Variants in ZNF609 observed in about 807,000 individuals in gnomAD.
ZNF609 encodes zinc finger protein 609.
A neutral mutation model predicts 109.5 loss-of-function variants in ZNF609; 11 were observed. The ratio of observed to expected loss-of-function variants is 0.10; its 90% CI spans 0.06 to 0.17. The LOEUF (loss-of-function observed/expected upper bound fraction) is 0.17. Ranked by LOEUF, ZNF609 falls within the 10% of genes least tolerant of loss-of-function variation. ZNF609 has a pLI of 1.00. For synonymous variants in ZNF609, 646 were observed against 662.0 expected, an observed-to-expected ratio of 0.98 and a Z score of 0.37; for missense variants, 1,559 against 1,772.4, an observed-to-expected ratio of 0.88 and a Z score of 2.16.
chr15:64,506,410 G>A (rs1893638321), intron 2 of ZNF609, among the ~76,000 whole-genome samples: 1 of 148,094 alleles, frequency 6.8e-6, no homozygotes, highest in African/African-American at 2.5e-5. Flanking sequence ...GGCATGAGCC[G>A]TCACACCCAG....
rs2083236198 is a variant in ZNF609 at position 64,685,661 on chromosome 15, AAG to A, written c.*3978_*3979del. On this transcript the variant is annotated 3_prime_UTR_variant, in exon 10 of 10. Coordinates refer to ENST00000326648, the MANE Select transcript of ZNF609 (RefSeq NM_015042.2). ...CTATGCAGCTGGGAGCTCTCTGCCT[AAG>A]AGTTTGCACTATTTAAACCTGCCTG... 6.5e-6 allele frequency: 1 copy of A among 152,698 alleles called. No homozygotes were observed. The highest frequency in any genetic ancestry group is 1.5e-5 in the Non-Finnish European group (1 of 68,120). 9.5% of individuals were successfully genotyped at this position (152,698 alleles called of 1,614,324 possible).
Position 64,552,304 on chromosome 15 carries a change from T to G in ZNF609, c.747+52138T>G, listed in dbSNP as rs1327116526. 2.0e-5 allele frequency among the ~76,000 whole-genome samples: 3 copies of G among 152,220 alleles called. 1 individual carries two copies. Among genetic ancestry groups the G allele is most frequent in the African/African-American group, 7.2e-5 (3 of 41,472 alleles). On this transcript the variant is annotated intron_variant, in intron 2 of 9. Transcript: ENST00000326648. ...TGTAGTTGCAGGTTATATATTTAGATCTATCATCCAACTTTAGTTAATTTT... is the reference window on the plus strand; with the variant it reads ...TGTAGTTGCAGGTTATATATTTAGAGCTATCATCCAACTTTAGTTAATTTT...
At chr15:64,561,283 CTTGT>C (rs1038040187) in intron 2 of ZNF609, among the ~76,000 whole-genome samples, 11 of 152,090 alleles carry the variant, frequency 7.2e-5, no homozygotes, top group African/African-American at 2.7e-4. Flanking sequence ...ATATTGTCAT[CTTGT>C]TTGTCAGTTT....
chr15:64,493,313 C>T (rs1011888599), intron 1 of ZNF609, among the ~76,000 whole-genome samples: 1 of 151,946 alleles, frequency 6.6e-6, no homozygotes, highest in African/African-American at 2.4e-5. Context: ...TTACCCTTGT[C>T]GAAGGAGAGG....
At chr15:64,631,287 G>C (rs956411223) in intron 3 of ZNF609, 1 of 665,050 alleles carries the variant, frequency 1.5e-6, no homozygotes, top group African/African-American at 1.8e-5. Flanking sequence ...AGCTATCTTG[G>C]CTTTTAGAGA....
At chr15:64,480,049 G>A (rs968272592) in intron 1 of ZNF609, among the ~76,000 whole-genome samples, 1 of 148,930 alleles carries the variant, frequency 6.7e-6, no homozygotes, top group South Asian at 2.1e-4. Context: ...CCAGCCTGGC[G>A]AACGTGGCAA....
chr15:64,627,952 G>A (rs911977586), intron 3 of ZNF609, among the ~76,000 whole-genome samples: 2 of 149,216 alleles, frequency 1.3e-5, no homozygotes, highest in Non-Finnish European at 3.0e-5. Context: ...GAACCACCAT[G>A]CCCAGCCTAT....
chr15:64,609,140 C>A (rs1595737802), intron 2 of ZNF609, among the ~76,000 whole-genome samples: 1 of 109,798 alleles, frequency 9.1e-6, no homozygotes, highest in Non-Finnish European at 2.0e-5. Flanking sequence ...TTTTTTCTTT[C>A]TTTTTTTTCT....
At chr15:64,615,563 T>G (rs934133587) in intron 2 of ZNF609, among the ~76,000 whole-genome samples, 32 of 151,036 alleles carry the variant, frequency 2.1e-4, no homozygotes, top group Admixed American at 1.3e-3. Flanking sequence ...CTCGGCTCAC[T>G]ACAACTTCTG....
At chr15:64,535,563 TG>T (rs1460739546) in intron 2 of ZNF609, among the ~76,000 whole-genome samples, 2 of 152,158 alleles carry the variant, frequency 1.3e-5, no homozygotes, top group Non-Finnish European at 2.9e-5. Flanking sequence ...GGGACTATTA[TG>T]AAAAAAAATG....
chr15:64,487,207 T>C lies in ZNF609; in HGVS notation c.-127-12086T>C, dbSNP rs189190594. On this transcript the variant is annotated intron_variant, in intron 1 of 9. Coordinates refer to ENST00000326648, the MANE Select transcript of ZNF609 (RefSeq NM_015042.2). Reference sequence around the variant, plus strand: ...AATCTCATAGTCAAACATCAAGTAATCTGTAAGTTAGTTTCTTACTGTCTC... The same window carrying C: ...AATCTCATAGTCAAACATCAAGTAACCTGTAAGTTAGTTTCTTACTGTCTC... Among the ~76,000 whole-genome samples the C allele has an allele frequency of 4.6e-5, 7 of 152,266 alleles. No homozygotes were observed. In the East Asian group the frequency reaches 1.4e-3, roughly 29 times the overall value.
intron 2 of ZNF609, among the ~76,000 whole-genome samples, chr15:64,507,178 C>T (rs1247764480): frequency 7.2e-5 from 11 of 152,204 alleles, no homozygotes; most frequent in Middle Eastern, 3.4e-3. Context: ...GTGGTTTTGC[C>T]GGAATATGCA....
intron 2 of ZNF609, among the ~76,000 whole-genome samples, chr15:64,599,243 A>C (rs886599617): frequency 2.7e-5 from 4 of 146,062 alleles, no homozygotes; most frequent in African/African-American, 1.0e-4. Context: ...TTTTAAAAAC[A>C]CCTAATTGCA....
At chr15:64,566,813 G>C (rs1321056516) in intron 2 of ZNF609, among the ~76,000 whole-genome samples, 1 of 152,180 alleles carries the variant, frequency 6.6e-6, no homozygotes, top group Non-Finnish European at 1.5e-5. Flanking sequence ...CTAGTGGAGA[G>C]AGATTATATT....
At chr15:64,579,429 G>A (rs1895057411) in intron 2 of ZNF609, among the ~76,000 whole-genome samples, 1 of 144,288 alleles carries the variant, frequency 6.9e-6, no homozygotes. Context: ...AAAAAAAAAA[G>A]TAGCCAGACC....
chr15:64,469,026 C>T lies in ZNF609; in HGVS notation c.-128+8188C>T, dbSNP rs573072416. Among the ~76,000 whole-genome samples the T allele has an allele frequency of 5.0e-4, 58 of 116,028 alleles. No homozygotes were observed. In the East Asian group the frequency reaches 0.011, roughly 21 times the overall value. 76.1% of individuals were successfully genotyped at this position (116,028 alleles called of 152,430 possible). A position where few individuals can be genotyped will look rare whatever the true frequency, so the allele number is the denominator to read the frequency against. ...GAGACCAGCCTGGGCAACAGAGAGG[C>T]CTCATATCTTAAAAAAAAAAAAAAA... On this transcript the variant is annotated intron_variant, in intron 1 of 9. Coordinates refer to ENST00000326648, the MANE Select transcript of ZNF609 (RefSeq NM_015042.2).
intron 3 of ZNF609, among the ~76,000 whole-genome samples, chr15:64,626,455 GT>G (rs143417542): frequency 2.6e-5 from 4 of 151,444 alleles, no homozygotes; most frequent in Admixed American, 1.3e-4. Flanking sequence ...AGACTTCTAG[GT>G]TTTTTTTTCT....
chr15:64,584,089 T>A (rs1895155141), intron 2 of ZNF609, among the ~76,000 whole-genome samples: 1 of 152,140 alleles, frequency 6.6e-6, no homozygotes, highest in South Asian at 2.1e-4. Context: ...TGGTTTCATT[T>A]TATTGAGGTT....
intron 4 of ZNF609, among the ~76,000 whole-genome samples, chr15:64,673,672 C>G (rs1038602713): frequency 1.3e-5 from 2 of 152,122 alleles, no homozygotes; most frequent in African/African-American, 4.8e-5. Flanking sequence ...GAAATGTTGA[C>G]TTGACTATCT....
Sources: gnomAD v4.1 joint callset for allele counts (sites outside exome capture counted in the v4.1 genomes callset) on GRCh38, gnomAD v4.1.1 for gene constraint, MANE v1.5 for transcripts, NCBI Gene and HGNC (gene_info 2026-07-23, HGNC 2026-07-21) for gene names.